Variants in ACSS3 observed in about 807,000 individuals in gnomAD.
The protein encoded by ACSS3 is acyl-CoA synthetase short-chain family member 3, mitochondrial.
ACSS3 carries 64 observed loss-of-function variants against 84.2 expected under a neutral mutation model. The observed-to-expected ratio is 0.76, with a 90% confidence interval of 0.62 to 0.94. The LOEUF (loss-of-function observed/expected upper bound fraction) is 0.94, where lower values mean the gene tolerates loss of function less well. ACSS3 is among the 40% of genes least tolerant of loss of function. The pLI is 0.00. For missense variants in ACSS3, 815 were observed against 867.6 expected (o/e 0.94, Z 0.76); for synonymous variants, 317 against 310.1 (o/e 1.02, Z -0.23).
chr12:81,235,621 A>G (rs1355673087), intron 13 of ACSS3, among the ~76,000 whole-genome samples: 1 of 151,414 alleles, frequency 6.6e-6, no homozygotes, highest in African/African-American at 2.4e-5. Context: ...TGAGTTTTGT[A>G]TATTTCTTTC....
At chr12:81,252,323 T>C (rs2034179947) in intron 13 of ACSS3, among the ~76,000 whole-genome samples, 1 of 152,128 alleles carries the variant, frequency 6.6e-6, no homozygotes, top group South Asian at 2.1e-4. Context: ...TCTCCACTAC[T>C]AGACTGAAAG....
chr12:81,212,458 C>T (rs1475561027), intron 9 of ACSS3, among the ~76,000 whole-genome samples: 9 of 152,160 alleles, frequency 5.9e-5, no homozygotes, highest in Non-Finnish European at 2.9e-5. Flanking sequence ...CTTTCTCATC[C>T]TCTGTCTGTT....
At chr12:81,144,869 C>T (rs1360274698) in intron 5 of ACSS3, among the ~76,000 whole-genome samples, 1 of 150,978 alleles carries the variant, frequency 6.6e-6, no homozygotes, top group Non-Finnish European at 1.5e-5. Flanking sequence ...TAAGGATGGA[C>T]CCTAGCTATT....
At chr12:81,151,037 G>A (rs1018913997) in intron 5 of ACSS3, among the ~76,000 whole-genome samples, 2 of 152,204 alleles carry the variant, frequency 1.3e-5, no homozygotes, top group Non-Finnish European at 2.9e-5. Context: ...GATGATTAAT[G>A]TTTTTTAAAA....
At chr12:81,171,653 G>A (rs1030144335) in intron 7 of ACSS3, among the ~76,000 whole-genome samples, 1 of 152,058 alleles carries the variant, frequency 6.6e-6, no homozygotes, top group Admixed American at 6.6e-5. Flanking sequence ...ACGAAAATTA[G>A]TTTGGTACAG....
At chr12:81,173,951 A>C (rs1318366999) in intron 7 of ACSS3, among the ~76,000 whole-genome samples, 1 of 152,252 alleles carries the variant, frequency 6.6e-6, no homozygotes, top group South Asian at 2.1e-4. Context: ...GGATATATAT[A>C]TATATATCCA....
At chr12:81,205,450 A>G (rs542935444) in intron 9 of ACSS3, among the ~76,000 whole-genome samples, 1 of 152,236 alleles carries the variant, frequency 6.6e-6, no homozygotes, top group South Asian at 2.1e-4. Flanking sequence ...TGTTTAAGAC[A>G]GCAATACATT....
rs536201231 is a variant in ACSS3 at position 81,233,861 on chromosome 12, C to T, written c.1719+390C>T. Among the ~76,000 whole-genome samples, 504 of 151,576 alleles carry T rather than the reference C, an allele frequency of 3.3e-3. 2 individuals are homozygous for T. Among genetic ancestry groups the T allele is most frequent in the African/African-American group, 0.011 (469 of 41,434 alleles). On this transcript the variant is annotated intron_variant, in intron 13 of 15. Transcript: ENST00000548058. ...TGTACTCTTAAATCCTGAGAATTTT[C>T]TTCCAATGTAAGTCACATAAAGTCT... is the stretch of plus-strand genomic sequence containing the variant.
At chr12:81,083,601 C>A (rs1881128780) in intron 1 of ACSS3, among the ~76,000 whole-genome samples, 1 of 151,452 alleles carries the variant, frequency 6.6e-6, no homozygotes, top group South Asian at 2.1e-4. Context: ...ACCTCGTGAT[C>A]CGCTCACCTC....
intron 13 of ACSS3, among the ~76,000 whole-genome samples, chr12:81,240,035 CTTAA>C (rs1565738695): frequency 6.6e-6 from 1 of 151,296 alleles, no homozygotes; most frequent in African/African-American, 2.4e-5. Context: ...TTTTCTTATT[CTTAA>C]TTATTAGTTG....
At chr12:81,087,421 AG>A (rs764425075) in intron 1 of ACSS3, among the ~76,000 whole-genome samples, 12 of 151,990 alleles carry the variant, frequency 7.9e-5, no homozygotes, top group Non-Finnish European at 1.5e-4. Flanking sequence ...CAGGAGGAGG[AG>A]GAAGGAGGAA....
At chr12:81,096,578 G>A (rs1421033386) in intron 1 of ACSS3, among the ~76,000 whole-genome samples, 2 of 152,138 alleles carry the variant, frequency 1.3e-5, no homozygotes, top group Non-Finnish European at 2.9e-5. Flanking sequence ...CCGATCAACC[G>A]GTCATCTACA....
intron 5 of ACSS3, 70 bp from the exon 6 acceptor site, chr12:81,151,774 G>T (rs2135754216): frequency 7.4e-7 from 1 of 1,352,856 alleles, no homozygotes; most frequent in South Asian, 1.3e-5. Flanking sequence ...TTTTAAAGTG[G>T]ATGCTATGAA....
rs1479205499 is a variant in ACSS3 at position 81,257,724 on chromosome 12, T to G, written c.*2802T>G. The G allele has an allele frequency of 7.2e-5, 11 of 152,218 alleles. No homozygotes were observed. In the East Asian group the frequency reaches 2.1e-3, roughly 29 times the overall value. The allele number at this position is 152,218 out of a possible 1,614,324, so 9.4% of individuals were successfully genotyped here. ...TCCTGAACATTAAAAATGTGAAAATTTATAATGTTGATGATCAAAAGTAAC... is the reference window on the plus strand; with the variant it reads ...TCCTGAACATTAAAAATGTGAAAATGTATAATGTTGATGATCAAAAGTAAC... On this transcript the variant is annotated 3_prime_UTR_variant, in exon 16 of 16. Transcript: ENST00000548058.
At chr12:81,115,620 T>C (rs1883973800) in intron 2 of ACSS3, among the ~76,000 whole-genome samples, 1 of 152,156 alleles carries the variant, frequency 6.6e-6, no homozygotes, top group East Asian at 1.9e-4. Flanking sequence ...TGCTCTTTTC[T>C]GAAATACCAT....
At chr12:81,175,350 T>A (rs969007092) in intron 8 of ACSS3, among the ~76,000 whole-genome samples, 1 of 152,050 alleles carries the variant, frequency 6.6e-6, no homozygotes, top group African/African-American at 2.4e-5. Context: ...TGTGAAAAAT[T>A]ATAGTCCAAA....
At position 81,253,333 on chromosome 12, in the gene ACSS3, A is replaced by C. The variant is rs758811531; in HGVS notation, c.1746A>C (p.Ala582=). Residue 582 remains alanine (A), a synonymous_variant, in exon 14 of 16, where the codon GCA becomes GCC. Coordinates refer to ENST00000548058, the MANE Select transcript of ACSS3 (RefSeq NM_024560.4). The stretch of plus-strand genomic sequence containing the variant: ...CAATCCTTTCCCATGGTACCGTGGC[A>C]GACTGTGCTGTTGTTGGCAAGGAAG... The part of the protein sequence containing the change: ...EESILSHGTV[A]DCAVVGKEDP... The C allele has an allele frequency of 4.3e-6, 7 of 1,613,792 alleles. No individual in the cohort carries two copies. Among genetic ancestry groups the C allele is most frequent in the Non-Finnish European group, 5.9e-6 (7 of 1,179,882 alleles).
rs527782489 is a variant in ACSS3, at chr12:81,181,409, A to G, written c.1250+6470A>G. Among the ~76,000 whole-genome samples the G allele has an allele frequency of 9.9e-4, 151 of 152,276 alleles. 1 individual carries two copies. In the South Asian group the frequency reaches 0.03, roughly 31 times the overall value. On this transcript the variant is annotated intron_variant, in intron 8 of 15. Coordinates refer to ENST00000548058, the MANE Select transcript of ACSS3 (RefSeq NM_024560.4). ...GTGAAAGTTTTTCCCTATGAAAGTC[A>G]TTCTCTGAAGTTTGGAAGAGGAGAC...
intron 11 of ACSS3, among the ~76,000 whole-genome samples, chr12:81,224,870 G>A (rs1016758368): frequency 8.6e-5 from 13 of 151,616 alleles, no homozygotes; most frequent in East Asian, 3.9e-4. Context: ...TTATCAGATC[G>A]GCTGTCTAGG....
Sources: allele counts gnomAD v4.1 joint callset (sites outside exome capture counted in the v4.1 genomes callset), GRCh38; gene constraint gnomAD v4.1.1; transcripts MANE v1.5; gene names NCBI Gene and HGNC (gene_info 2026-07-23, HGNC 2026-07-21).